CXCL13: variants seen among roughly 807,000 people sequenced by gnomAD.
The protein encoded by CXCL13 is C-X-C motif chemokine ligand 13, also known as C-X-C motif chemokine 13.
Under a neutral mutation model 12.2 loss-of-function variants are expected in CXCL13, and 7 were observed. The observed-to-expected ratio is 0.57, with a 90% CI of 0.33 to 1.07. The LOEUF (loss-of-function observed/expected upper bound fraction) is 1.07, where lower values mean the gene tolerates loss of function less well. Ranked by LOEUF, CXCL13 falls within the 50% of genes least tolerant of loss-of-function variation. CXCL13 has a pLI of 0.04. For synonymous variants in CXCL13, 47 were observed against 42.4 expected (o/e 1.11, Z -0.42); for missense variants, 113 against 127.4 (o/e 0.89, Z 0.55).
In CXCL13 at chr4:77,611,718, C is replaced by A. The variant is rs1727161241; in HGVS notation, c.*679C>A. 2 of 394,288 alleles carry A rather than the reference C, an allele frequency of 5.1e-6. No homozygotes were observed. Among genetic ancestry groups the A allele is most frequent in the Non-Finnish European group, 8.9e-6 (2 of 225,432 alleles). 24.4% of individuals were successfully genotyped at this position (394,288 alleles called of 1,614,324 possible). On this transcript the variant is annotated 3_prime_UTR_variant, in exon 4 of 4. Transcript: ENST00000682537. Reference sequence around the variant, plus strand: ...CTTGACAAACTTCTTTCACTCACATCTTTTTCACTGACTTTTTTTGTGGGG... The same window carrying A: ...CTTGACAAACTTCTTTCACTCACATATTTTTCACTGACTTTTTTTGTGGGG...
At chr4:77,569,606 C>T (rs191393117) in intron 1 of CXCL13, among the ~76,000 whole-genome samples, 295 of 152,282 alleles carry the variant, frequency 1.9e-3, no homozygotes, top group African/African-American at 6.8e-3. Context: ...CTACAAGATA[C>T]TGCTCAGAGA....
intron 1 of CXCL13, among the ~76,000 whole-genome samples, chr4:77,574,019 G>A (rs1171554792): frequency 6.6e-6 from 1 of 151,938 alleles, no homozygotes; most frequent in African/African-American, 2.4e-5. Flanking sequence ...AAAACAAAGG[G>A]CTTGCTTAAA....
At chr4:77,581,644 G>C (rs1383537310) in intron 1 of CXCL13, among the ~76,000 whole-genome samples, 1 of 152,034 alleles carries the variant, frequency 6.6e-6, no homozygotes, top group Non-Finnish European at 1.5e-5. Flanking sequence ...AATACGTATT[G>C]AGTATGTATT....
At chr4:77,576,945 T>G (rs193182211) in intron 1 of CXCL13, among the ~76,000 whole-genome samples, 5 of 152,296 alleles carry the variant, frequency 3.3e-5, no homozygotes, top group Admixed American at 2.6e-4. Flanking sequence ...TCCAGACTCA[T>G]TAGTTGTTTT....
chr4:77,563,291 G>A (rs1010844323), intron 1 of CXCL13, among the ~76,000 whole-genome samples: 8 of 152,176 alleles, frequency 5.3e-5, no homozygotes, highest in African/African-American at 1.9e-4. Context: ...AAAGACCGAT[G>A]AGAGTTAGTG....
chr4:77,539,341 G>GACCTCAA (rs1725146318), intron 1 of CXCL13, among the ~76,000 whole-genome samples: 1 of 152,154 alleles, frequency 6.6e-6, no homozygotes, highest in Non-Finnish European at 1.5e-5. Flanking sequence ...TGGCCAGGCT[G>GACCTCAA]GTCTCAAACT....
At chr4:77,513,223 C>T (rs146479582) in intron 1 of CXCL13, among the ~76,000 whole-genome samples, 711 of 152,236 alleles carry the variant, frequency 4.7e-3, no homozygotes, top group African/African-American at 0.016. Flanking sequence ...CAAGTCTTTG[C>T]TATTGTGAAC....
At chr4:77,528,464 G>A (rs554304758) in intron 1 of CXCL13, among the ~76,000 whole-genome samples, 41 of 152,244 alleles carry the variant, frequency 2.7e-4, no homozygotes, top group African/African-American at 9.9e-4. Flanking sequence ...TTTAATGATT[G>A]CCATTCTAAG....
chr4:77,528,822 C>T (rs1724835700), intron 1 of CXCL13, among the ~76,000 whole-genome samples: 2 of 152,250 alleles, frequency 1.3e-5, no homozygotes, highest in Admixed American at 6.5e-5. Flanking sequence ...GTTGCCATTG[C>T]TTTTGGTGTT....
At chr4:77,552,442 G>T in intron 1 of CXCL13, among the ~76,000 whole-genome samples, 1 of 152,198 alleles carries the variant, frequency 6.6e-6, no homozygotes, top group Non-Finnish European at 1.5e-5. Context: ...GCACTTATGG[G>T]TAAGAGCCAG....
rs1350845001 is a variant in CXCL13 at position 77,546,798 on chromosome 4, C to T, written c.-43+35010C>T. On this transcript the variant is annotated intron_variant, in intron 1 of 4. Transcript: ENST00000286758. The stretch of plus-strand genomic sequence containing the variant: ...TTCTGCTAGCTTTTGAATGTGTTTG[C>T]TCTTGCTTCTCTAGTTCTTTTAATT... 5.3e-5 allele frequency among the ~76,000 whole-genome samples: 8 copies of T among 152,234 alleles called. No homozygotes were observed. In the East Asian group the frequency reaches 9.7e-4, roughly 18 times the overall value.
chr4:77,565,285 A>C (rs1342212743), intron 1 of CXCL13, among the ~76,000 whole-genome samples: 1 of 152,244 alleles, frequency 6.6e-6, no homozygotes, highest in Non-Finnish European at 1.5e-5. Flanking sequence ...GGAGAAGACG[A>C]ATAAGCTGTA....
chr4:77,601,239 G>A (rs1339225302), upstream of CXCL13, among the ~76,000 whole-genome samples: 5 of 152,238 alleles, frequency 3.3e-5, no homozygotes, highest in African/African-American at 9.6e-5. Flanking sequence ...TGAAATCATG[G>A]TGTGGCAAAA....
chr4:77,561,887 G>A (rs1055904254), intron 1 of CXCL13, among the ~76,000 whole-genome samples: 8 of 152,220 alleles, frequency 5.3e-5, no homozygotes, highest in African/African-American at 1.7e-4. Flanking sequence ...GTGATGTGGA[G>A]GGAAAGGCGC....
rs1187470111 is a variant in CXCL13 at position 77,611,756 on chromosome 4, G to A, written c.*717G>A. On this transcript the variant is annotated 3_prime_UTR_variant, in exon 4 of 4. Coordinates refer to ENST00000682537, the MANE Select transcript of CXCL13 (RefSeq NM_001371558.1). ...TTTTTTTGTGGGGGGCGGGGCCGGGGGGACTCTGGTATCTAATTCTTTAAT... is the reference window on the plus strand; with the variant it reads ...TTTTTTTGTGGGGGGCGGGGCCGGGAGGACTCTGGTATCTAATTCTTTAAT... 7.6e-6 allele frequency: 3 copies of A among 396,654 alleles called. No homozygotes were observed. The highest frequency in any genetic ancestry group is 1.3e-5 in the Non-Finnish European group (3 of 225,574). 24.6% of individuals were successfully genotyped at this position (396,654 alleles called of 1,614,324 possible).
At chr4:77,580,186 C>A (rs925261502) in intron 1 of CXCL13, among the ~76,000 whole-genome samples, 3 of 151,808 alleles carry the variant, frequency 2.0e-5, no homozygotes, top group Non-Finnish European at 4.4e-5. Flanking sequence ...AAAGCCCTGA[C>A]TTGACTGCCA....
intron 1 of CXCL13, among the ~76,000 whole-genome samples, chr4:77,595,490 A>G (rs1726728075): frequency 6.6e-6 from 1 of 152,148 alleles, no homozygotes. Flanking sequence ...TCACTTTTGG[A>G]CCCTGAGTAA....
chr4:77,555,765 A>G (rs1343357235), intron 1 of CXCL13, among the ~76,000 whole-genome samples: 3 of 152,182 alleles, frequency 2.0e-5, no homozygotes, highest in Non-Finnish European at 4.4e-5. Context: ...ATATATAAAG[A>G]ACATTTACAA....
At chr4:77,557,878 T>C (rs1258931124) in intron 1 of CXCL13, among the ~76,000 whole-genome samples, 1 of 152,238 alleles carries the variant, frequency 6.6e-6, no homozygotes, top group Non-Finnish European at 1.5e-5. Flanking sequence ...TGTACTTCTC[T>C]GAGCCTTTTA....
Sources: allele counts gnomAD v4.1 joint callset (sites outside exome capture counted in the v4.1 genomes callset), GRCh38; gene constraint gnomAD v4.1.1; transcripts MANE v1.5; gene names NCBI Gene and HGNC (gene_info 2026-07-23, HGNC 2026-07-21).